The following RGL1 variants were observed in gnomAD, a reference collection of about 807,000 sequenced individuals.
The protein encoded by RGL1 is ral guanine nucleotide dissociation stimulator-like 1.
Under a neutral mutation model 95.2 loss-of-function variants are expected in RGL1, and 24 were observed. That is an observed-to-expected ratio of 0.25 (90% CI 0.18 to 0.35). RGL1 has a LOEUF of 0.35. RGL1 is among the 10% of genes least tolerant of loss of function. RGL1 has a pLI of 1.00. For missense variants in RGL1, 715 were observed against 936.3 expected (o/e 0.76, Z 3.08); for synonymous variants, 329 against 344.9 (o/e 0.95, Z 0.51).
At chr1:183,784,726 G>A (rs1026629215) in intron 2 of RGL1, among the ~76,000 whole-genome samples, 14 of 152,156 alleles carry the variant, frequency 9.2e-5, no homozygotes, top group African/African-American at 3.1e-4. Context: ...TATTTAGTGG[G>A]CAAAAGGAGA....
At chr1:183,712,167 C>A (rs921290557) in intron 1 of RGL1, among the ~76,000 whole-genome samples, 3 of 152,246 alleles carry the variant, frequency 2.0e-5, no homozygotes, top group Admixed American at 2.0e-4. Flanking sequence ...CTGGCAGGAA[C>A]TGGCCTGGGA....
chr1:183,900,310 C>G, intron 11 of RGL1, 74 bp downstream of exon 11: 1 of 1,208,882 alleles, frequency 8.3e-7, no homozygotes, highest in Non-Finnish European at 1.2e-6. Context: ...GTTAACTTCT[C>G]TTAGTATCTT....
intron 1 of RGL1, among the ~76,000 whole-genome samples, chr1:183,806,041 G>A (rs1433967126): frequency 8.3e-6 from 1 of 120,046 alleles, no homozygotes; most frequent in Non-Finnish European, 1.6e-5. Flanking sequence ...TTCACTTAAG[G>A]GGGACAAGTT....
chr1:183,836,262 T>G (rs1482123767), intron 2 of RGL1, among the ~76,000 whole-genome samples: 2 of 152,188 alleles, frequency 1.3e-5, no homozygotes, highest in South Asian at 4.1e-4. Context: ...TCTTTTCTTT[T>G]TTTTTTAGAC....
At chr1:183,733,440 A>G (rs1050590395) in intron 1 of RGL1, among the ~76,000 whole-genome samples, 1 of 152,006 alleles carries the variant, frequency 6.6e-6, no homozygotes, top group Non-Finnish European at 1.5e-5. Context: ...CCTTGGTTTC[A>G]TTGTCCCTGT....
At chr1:183,819,692 G>A (rs1179831087) in intron 2 of RGL1, among the ~76,000 whole-genome samples, 1 of 151,502 alleles carries the variant, frequency 6.6e-6, no homozygotes, top group Non-Finnish European at 1.5e-5. Context: ...TTGCATCGGT[G>A]TTCAATGGCA....
At chr1:183,739,885 A>G (rs781349049) in intron 1 of RGL1, among the ~76,000 whole-genome samples, 4 of 152,212 alleles carry the variant, frequency 2.6e-5, no homozygotes, top group Non-Finnish European at 4.4e-5. Flanking sequence ...GAGATGAGAA[A>G]GCAGCTGTGG....
intron 1 of RGL1, among the ~76,000 whole-genome samples, chr1:183,718,119 G>A (rs767833888): frequency 2.6e-5 from 4 of 151,820 alleles, no homozygotes; most frequent in African/African-American, 4.8e-5. Context: ...GGTGGCACAC[G>A]TCTGTAGTCC....
At chr1:183,914,142 A>G (rs1456582600) in intron 15 of RGL1, among the ~76,000 whole-genome samples, 1 of 152,204 alleles carries the variant, frequency 6.6e-6, no homozygotes, top group African/African-American at 2.4e-5. Context: ...TATTGCCCAC[A>G]TTATTGTGGG....
rs72733409 is a variant in RGL1 at position 183,769,083 on chromosome 1, T to C, written c.132+26794T>C. Among the ~76,000 whole-genome samples, 464 of 152,366 alleles carry C rather than the reference T, an allele frequency of 3.0e-3. 1 individual carries two copies. Among genetic ancestry groups the C allele is most frequent in the Non-Finnish European group, 5.5e-3 (374 of 68,038 alleles). Reference sequence around the variant, plus strand: ...CTATTTCATTCAGTTTTTTCATTTTTAACAGTTTTACCTAGATTACTTATG... The same window carrying C: ...CTATTTCATTCAGTTTTTTCATTTTCAACAGTTTTACCTAGATTACTTATG... On this transcript the variant is annotated intron_variant, in intron 2 of 18. Transcript: ENST00000304685.
At chr1:183,685,268 A>T (rs1388469696) in intron 1 of RGL1, among the ~76,000 whole-genome samples, 1 of 152,232 alleles carries the variant, frequency 6.6e-6, no homozygotes, top group Non-Finnish European at 1.5e-5. Flanking sequence ...AAACGCCAGC[A>T]GCCTGGTTAT....
intron 2 of RGL1, among the ~76,000 whole-genome samples, chr1:183,758,570 TGGTGA>T (rs1200274743): frequency 1.3e-5 from 2 of 152,112 alleles, no homozygotes; most frequent in Non-Finnish European, 2.9e-5. Context: ...GTTTGGGTTC[TGGTGA>T]GGTTCCTTCT....
At chr1:183,676,554 CA>C (rs1396538829) in intron 1 of RGL1, among the ~76,000 whole-genome samples, 2 of 151,762 alleles carry the variant, frequency 1.3e-5, no homozygotes, top group Non-Finnish European at 2.9e-5. Flanking sequence ...GAATCAAAAA[CA>C]ATGTCCCTAG....
chr1:183,908,546 A>C (rs1668470398), intron 14 of RGL1, among the ~76,000 whole-genome samples: 1 of 152,126 alleles, frequency 6.6e-6, no homozygotes, highest in African/African-American at 2.4e-5. Flanking sequence ...CTTGAGGAGA[A>C]TTTTTCATAG....
chr1:183,797,025 A>G (rs1443572434), intron 2 of RGL1, among the ~76,000 whole-genome samples: 1 of 152,156 alleles, frequency 6.6e-6, no homozygotes, highest in East Asian at 1.9e-4. Flanking sequence ...ATCATCACTG[A>G]TTAAGAATAA....
At chr1:183,846,410 T>G (rs1474933681) in intron 2 of RGL1, among the ~76,000 whole-genome samples, 2 of 151,502 alleles carry the variant, frequency 1.3e-5, no homozygotes, top group Non-Finnish European at 2.9e-5. Flanking sequence ...GGTGACAGAC[T>G]AGGGGAGGGA....
At chr1:183,661,574 C>T (rs199619074) in intron 1 of RGL1, among the ~76,000 whole-genome samples, 1 of 149,178 alleles carries the variant, frequency 6.7e-6, no homozygotes, top group East Asian at 1.9e-4. Flanking sequence ...CAATAGCTTA[C>T]CAACGAAAAA....
intron 3 of RGL1, among the ~76,000 whole-genome samples, chr1:183,855,307 C>A (rs1665067223): frequency 6.6e-6 from 1 of 152,172 alleles, no homozygotes; most frequent in African/African-American, 2.4e-5. Context: ...TAGTTGTAAA[C>A]CTTCTATAAA....
At chr1:183,867,279 A>G (rs957393221) in intron 4 of RGL1, among the ~76,000 whole-genome samples, 3 of 152,076 alleles carry the variant, frequency 2.0e-5, no homozygotes, top group Non-Finnish European at 4.4e-5. Context: ...GGGTGTTTAG[A>G]GTTAGGGAAG....
Sources: gnomAD v4.1 joint callset for allele counts (sites outside exome capture counted in the v4.1 genomes callset) on GRCh38, gnomAD v4.1.1 for gene constraint, MANE v1.5 for transcripts, NCBI Gene and HGNC (gene_info 2026-07-23, HGNC 2026-07-21) for gene names.